Variants in TMEM205 observed in about 807,000 individuals in gnomAD.
The protein encoded by TMEM205 is transmembrane protein 205.
A neutral mutation model predicts 17.9 loss-of-function variants in TMEM205; 11 were observed. The observed-to-expected ratio is 0.61, with a 90% confidence interval of 0.39 to 1.02. The LOEUF is 1.02. Ranked by LOEUF, TMEM205 falls within the 50% of genes least tolerant of loss-of-function variation. TMEM205 has a pLI of 0.01. For missense variants in TMEM205, 236 were observed against 239.4 expected, an observed-to-expected ratio of 0.99 and a Z score of 0.09; for synonymous variants, 86 against 97.4, an observed-to-expected ratio of 0.88 and a Z score of 0.69.
intron 2 of TMEM205, among the ~76,000 whole-genome samples, chr19:11,344,273 CCATTCTCACATTG>C (rs1967056430): frequency 6.6e-6 from 1 of 151,912 alleles, no homozygotes; most frequent in African/African-American, 2.4e-5. Flanking sequence ...AATGTTTTTG[CCATTCTCACATTG>C]CTATAACACC....
rs1310088272 is a variant in TMEM205, at chr19:11,342,821, G to A, written c.564C>T (p.Ser188=). Residue 188 remains serine (S), a synonymous_variant, in exon 3 of 3, where the codon AGC becomes AGT. Coordinates refer to ENST00000354882, the MANE Select transcript of TMEM205 (RefSeq NM_198536.3). ...CLAGLALEIR[S]L is the part of the protein sequence containing the mutation. The stretch of plus-strand genomic sequence containing the variant: ...TTAGCATGCAGGGCCCATGCTAGAG[G>A]CTCCTTATTTCCAGGGCAAGGCCAG... 2 of 1,613,206 alleles carry A rather than the reference G, an allele frequency of 1.2e-6. No homozygotes were observed. Among genetic ancestry groups the A allele is most frequent in the Middle Eastern group, 1.7e-4 (1 of 6,060 alleles).
chr19:11,344,247 T>A (rs1374249502), intron 2 of TMEM205, among the ~76,000 whole-genome samples: 2 of 152,114 alleles, frequency 1.3e-5, no homozygotes, highest in Non-Finnish European at 2.9e-5. Context: ...CCAGCCTATT[T>A]TTTTTAATTA....
Position 11,345,623 on chromosome 19 carries a change from G to C in TMEM205, c.-4C>G. On this transcript the variant is annotated 5_prime_UTR_variant, in exon 1 of 3. Coordinates refer to ENST00000354882, the MANE Select transcript of TMEM205 (RefSeq NM_198536.3). ...CTAGGTTCCCGCCTTCCTCCATCTTGCAGTCCTGGGAAGGAGGCACCGGGT... is the reference window on the plus strand; with the variant it reads ...CTAGGTTCCCGCCTTCCTCCATCTTCCAGTCCTGGGAAGGAGGCACCGGGT... The C allele has an allele frequency of 6.2e-7, 1 of 1,613,804 alleles. No homozygotes were observed. Among genetic ancestry groups the C allele is most frequent in the Non-Finnish European group, 8.5e-7 (1 of 1,179,924 alleles).
chr19:11,345,088 C>G, intron 2 of TMEM205, 164 bp downstream of exon 2: 1 of 654,332 alleles, frequency 1.5e-6, no homozygotes, highest in Non-Finnish European at 2.5e-6. Context: ...GAACTCCTGA[C>G]CTCGTGATCC....
chr19:11,345,155 C>CTT, intron 2 of TMEM205, 97 bp downstream of exon 2: 1 of 1,343,340 alleles, frequency 7.4e-7, no homozygotes, highest in Non-Finnish European at 1.0e-6. Flanking sequence ...CATGCCTAGC[C>CTT]TTTTTTTTTC....
chr19:11,343,012 C>G lies in TMEM205; in HGVS notation c.373G>C (p.Gly125Arg). 6.2e-7 allele frequency: 1 copy of G among 1,614,152 alleles called. No individual in the cohort carries two copies. Residue 125 changes from glycine to arginine, a missense_variant, in exon 3 of 3, where the codon GGC becomes CGC. Transcript: ENST00000354882. ...CTGCCTGGTACCTCCCCACCCAGGC[C>G]TCGCTCCTTCTCCACGGTTTGCAGG... Reference protein sequence around the residue: ...WALQTVEKERGLGGEVPGSHQ... With the variant: ...WALQTVEKERRLGGEVPGSHQ...
intron 2 of TMEM205, 144 bp from the exon 3 acceptor site, chr19:11,343,264 G>A: frequency 1.2e-6 from 1 of 840,228 alleles, no homozygotes; most frequent in Non-Finnish European, 1.8e-6. Context: ...CTCTTTCCTT[G>A]AACCCAGACT....
chr19:11,345,291 C>G lies in TMEM205; in HGVS notation c.225G>C (p.Gln75His). Residue 75 changes from glutamine to histidine, a missense_variant, in exon 2 of 3, where the codon CAG becomes CAC. Transcript: ENST00000354882. ...AFINLCILAS[Q>H]HAWAQLTFWE... ...AGAATGTGAGCTGAGCCCAAGCATG[C>G]TGTGAAGCCAAGATGCAGAGGTTGA... 2 of 1,614,126 alleles carry G rather than the reference C, an allele frequency of 1.2e-6. No homozygotes were observed. The highest frequency in any genetic ancestry group is 2.2e-5 in the East Asian group (1 of 44,880).
At chr19:11,343,807 AAAGTCT>A (rs1261368465) in intron 2 of TMEM205, among the ~76,000 whole-genome samples, 1 of 151,884 alleles carries the variant, frequency 6.6e-6, no homozygotes, top group Admixed American at 6.6e-5. Flanking sequence ...AACAAAACAA[AAAGTCT>A]TTGAAGGCAG....
upstream of TMEM205, chr19:11,346,426 C>T (rs1288823874): frequency 2.9e-6 from 2 of 698,104 alleles, no homozygotes; most frequent in African/African-American, 3.7e-5. Flanking sequence ...TACGCCGCGG[C>T]TACTAAGCGC....
In TMEM205 at chr19:11,346,083, C is replaced by A. The variant is rs951815483; in HGVS notation, c.-464G>T. On this transcript the variant is annotated 5_prime_UTR_variant, in exon 1 of 3. Transcript: ENST00000354882. ...CCTGAGGACACCGATCCCACCAAAG[C>A]CCCGAGGAAACGCCAAATCTCATCC... 1 of 228,300 alleles carries A rather than the reference C, an allele frequency of 4.4e-6. No homozygotes were observed. The highest frequency in any genetic ancestry group is 8.8e-6 in the Non-Finnish European group (1 of 113,746). 14.1% of individuals were successfully genotyped at this position (228,300 alleles called of 1,614,324 possible).
In TMEM205 at chr19:11,345,679, G is replaced by A; in HGVS notation, c.-60C>T. ...AGAACTTTACCTTTGCCTCATGCGT[G>A]GCCTTCAGACCCTGTGAGCCCGCTC... is the stretch of plus-strand genomic sequence containing the variant. On this transcript the variant is annotated 5_prime_UTR_variant, in exon 1 of 3. Transcript: ENST00000354882. The A allele has an allele frequency of 1.2e-6, 2 of 1,604,990 alleles. No homozygotes were observed. The highest frequency in any genetic ancestry group is 1.7e-6 in the Non-Finnish European group (2 of 1,176,018).
intron 2 of TMEM205, among the ~76,000 whole-genome samples, chr19:11,343,549 G>A (rs1488974060): frequency 6.6e-6 from 1 of 152,232 alleles, no homozygotes; most frequent in African/African-American, 2.4e-5. Context: ...TTGGGAGGCT[G>A]AGGTGAGTGG....
At position 11,345,649 on chromosome 19, in the gene TMEM205, G is replaced by T; in HGVS notation, c.-30C>A. The stretch of plus-strand genomic sequence containing the variant: ...CAGTCCTGGGAAGGAGGCACCGGGT[G>T]GCTCAGAACTTTACCTTTGCCTCAT... On this transcript the variant is annotated 5_prime_UTR_variant, in exon 1 of 3. Transcript: ENST00000354882. 6.2e-7 allele frequency: 1 copy of T among 1,613,034 alleles called. No individual in the cohort carries two copies. The highest frequency in any genetic ancestry group is 8.5e-7 in the Non-Finnish European group (1 of 1,179,620).
rs1217127245 is a variant in TMEM205 at position 11,345,356 on chromosome 19, A to G, written c.160T>C (p.Phe54Leu). 6 of 1,614,204 alleles carry G rather than the reference A, an allele frequency of 3.7e-6. No homozygotes were observed. The highest frequency in any genetic ancestry group is 5.1e-6 in the Non-Finnish European group (6 of 1,180,034). Residue 54 changes from phenylalanine (F) to leucine (L), a missense_variant, in exon 2 of 3, where the codon TTC becomes CTC. Transcript: ENST00000354882. ...HTFGLVQSKL[F>L]PFYFHISMGC... ...ATGGAGATGTGGAAGTAGAAGGGGA[A>G]GAGTTTGCTCTGCACTAGTCCGAAG...
intron 2 of TMEM205, 22 bp downstream of exon 2, chr19:11,345,230 A>G: frequency 6.2e-7 from 1 of 1,613,338 alleles, no homozygotes; most frequent in Non-Finnish European, 8.5e-7. Context: ...TCCAGAGGGC[A>G]GTGGCACTCA....
chr19:11,343,937 C>T (rs1004515831), intron 2 of TMEM205, among the ~76,000 whole-genome samples: 11 of 147,960 alleles, frequency 7.4e-5, no homozygotes, highest in Admixed American at 4.0e-4. Context: ...CAAAGACCCT[C>T]ATCTTTTTTT....
intron 2 of TMEM205, among the ~76,000 whole-genome samples, chr19:11,343,931 G>A (rs1010017242): frequency 5.4e-5 from 8 of 148,872 alleles, no homozygotes; most frequent in African/African-American, 9.9e-5. Flanking sequence ...ACACAGCAAA[G>A]ACCCTCATCT....
chr19:11,345,194 G>A (rs1330087470), intron 2 of TMEM205, 58 bp downstream of exon 2: 12 of 1,579,924 alleles, frequency 7.6e-6, no homozygotes, highest in South Asian at 1.1e-5. Flanking sequence ...AGCCATAGGC[G>A]CTGACTGAGG....
Sources: allele counts gnomAD v4.1 joint callset (sites outside exome capture counted in the v4.1 genomes callset), GRCh38; gene constraint gnomAD v4.1.1; transcripts MANE v1.5; gene names NCBI Gene and HGNC (gene_info 2026-07-23, HGNC 2026-07-21).